The following CACNA1E variants were observed in gnomAD, a reference collection of about 807,000 sequenced individuals.
The protein encoded by CACNA1E is voltage-dependent R-type calcium channel subunit alpha-1E.
Under a neutral mutation model 259.2 loss-of-function variants are expected in CACNA1E, and 40 were observed. That is an observed-to-expected ratio of 0.15 (90% CI 0.12 to 0.20). The LOEUF (loss-of-function observed/expected upper bound fraction) is 0.20, where lower values mean the gene tolerates loss of function less well. CACNA1E is among the 10% of genes least tolerant of loss of function. The probability of loss-of-function intolerance (pLI) is 1.00; values close to 1 mark genes in which losing one functional copy is unlikely to be tolerated. For missense variants in CACNA1E, 1,874 were observed against 3,040.1 expected (o/e 0.62, Z 9.02); for synonymous variants, 1,104 against 1,138.5 (o/e 0.97, Z 0.61).
At chr1:181,334,344 A>C (rs559852904) in intron 1 of CACNA1E, among the ~76,000 whole-genome samples, 1 of 152,258 alleles carries the variant, frequency 6.6e-6, no homozygotes, top group African/African-American at 2.4e-5. Context: ...TCACTTATCC[A>C]AGGTCCAGAT....
chr1:181,622,361 G>A (rs1572403828), intron 6 of CACNA1E, among the ~76,000 whole-genome samples: 1 of 152,140 alleles, frequency 6.6e-6, no homozygotes, highest in Non-Finnish European at 1.5e-5. Context: ...TAGTTGGTGG[G>A]TATATTTGCT....
At chr1:181,413,240 G>A in exon 2 of CACNA1E, 1 of 152,856 alleles carries the variant, frequency 6.5e-6, no homozygotes, top group Non-Finnish European at 1.5e-5. Flanking sequence ...CAGGTCCGCG[G>A]GCCGCCGCCA....
chr1:181,557,921 A>G (rs141358039), intron 3 of CACNA1E, among the ~76,000 whole-genome samples: 122 of 152,368 alleles, frequency 8.0e-4, no homozygotes, highest in African/African-American at 2.8e-3. Flanking sequence ...CCATTTTTAA[A>G]TTCAGCTCTG....
In CACNA1E at chr1:181,806,397, C is replaced by G. The variant is rs1261960839; in HGVS notation, c.*7563C>G. On this transcript the variant is annotated 3_prime_UTR_variant, in exon 48 of 48. Coordinates refer to ENST00000367573, the MANE Select transcript of CACNA1E (RefSeq NM_001205293.3). ...GTCAGGCCATTCCCTCTTTGTTTTGCTCCTAGAGGATGAGCATGTAAGATG... is the reference window on the plus strand; with the variant it reads ...GTCAGGCCATTCCCTCTTTGTTTTGGTCCTAGAGGATGAGCATGTAAGATG... 6.6e-6 allele frequency: 1 copy of G among 152,272 alleles called. No individual in the cohort carries two copies. Among genetic ancestry groups the G allele is most frequent in the Non-Finnish European group, 1.5e-5 (1 of 68,084 alleles). The allele number at this position is 152,272 out of a possible 1,614,324, so 9.4% of individuals were successfully genotyped here.
chr1:181,683,082 A>G (rs79925695), intron 7 of CACNA1E, among the ~76,000 whole-genome samples: 1,718 of 152,220 alleles, frequency 0.011, 30 homozygotes, highest in African/African-American at 0.039. Context: ...TCCATGTCCC[A>G]TTTATGGCAT....
Position 181,776,311 on chromosome 1 carries a change from A to G in CACNA1E, c.5267+83A>G, listed in dbSNP as rs1171643225. The G allele has an allele frequency of 7.2e-7, 1 of 1,379,958 alleles. No homozygotes were observed. The highest frequency in any genetic ancestry group is 1.0e-6 in the Non-Finnish European group (1 of 970,312). 85.5% of individuals were successfully genotyped at this position (1,379,958 alleles called of 1,614,324 possible). A position where few individuals can be genotyped will look rare whatever the true frequency, so the allele number is the denominator to read the frequency against. On this transcript the variant is annotated intron_variant, in intron 38 of 47. Transcript: ENST00000367573. The surrounding 1 kb of genome is among the most constrained non-coding windows in gnomAD (Gnocchi z 4.4). ...CAGGGAAGAGGCTGGAATTGGAGCC[A>G]CCCAAATGCCTGCCTGTTACAGAAG...
intron 3 of CACNA1E, among the ~76,000 whole-genome samples, chr1:181,527,403 A>G (rs1407245913): frequency 6.6e-6 from 1 of 152,262 alleles, no homozygotes; most frequent in Non-Finnish European, 1.5e-5. Context: ...AGGTTTCAAC[A>G]TATGGATTTT....
At chr1:181,755,883 G>A (rs1457706502) in intron 28 of CACNA1E, 73 bp from the exon 29 acceptor site, 5 of 1,466,680 alleles carry the variant, frequency 3.4e-6, no homozygotes, top group Non-Finnish European at 3.7e-6. Flanking sequence ...ATTGCGGCCT[G>A]TAGAATGTGC....
chr1:181,559,319 G>A (rs979575100), intron 3 of CACNA1E, among the ~76,000 whole-genome samples: 3 of 152,202 alleles, frequency 2.0e-5, no homozygotes, highest in Admixed American at 6.5e-5. Flanking sequence ...CTGTTGGAGA[G>A]TGGAAATGCC....
intron 7 of CACNA1E, among the ~76,000 whole-genome samples, chr1:181,660,916 T>C (rs1248430470): frequency 6.6e-6 from 1 of 152,234 alleles, no homozygotes; most frequent in Non-Finnish European, 1.5e-5. Flanking sequence ...TGTGACTCAC[T>C]GCTAGGGGCT....
At chr1:181,693,431 A>G (rs1234141704) in intron 7 of CACNA1E, among the ~76,000 whole-genome samples, 2 of 152,204 alleles carry the variant, frequency 1.3e-5, no homozygotes, top group Admixed American at 6.5e-5. Flanking sequence ...TGGATTGGAT[A>G]AAGAAAATGT....
chr1:181,458,430 G>A (rs1279258609), intron 2 of CACNA1E, among the ~76,000 whole-genome samples: 1 of 152,214 alleles, frequency 6.6e-6, no homozygotes, highest in Non-Finnish European at 1.5e-5. Flanking sequence ...AGCCTGGCAA[G>A]GCATAGACTG....
At chr1:181,779,395 C>T (rs1293386263) in intron 38 of CACNA1E, 1 of 394,472 alleles carries the variant, frequency 2.5e-6, no homozygotes, top group East Asian at 7.6e-5. Context: ...CATTTCTTTT[C>T]TACCCTTCTC....
chr1:181,596,557 C>CGTGTGTGTGTGTGTGT lies in CACNA1E; in HGVS notation c.951+15806_951+15821dup, dbSNP rs60302499. Among the ~76,000 whole-genome samples the CGTGTGTGTGTGTGTGT allele has an allele frequency of 3.5e-3, 491 of 140,578 alleles. 7 individuals carry two copies. The highest frequency in any genetic ancestry group is 7.8e-3 in the East Asian group (34 of 4,362). 92.2% of individuals were successfully genotyped at this position (140,578 alleles called of 152,430 possible). ...AGAGTAGTCTTCCACCCACCATGTA[C>CGTGTGTGTGTGTGTGT]GTGTGTGTGTGTGTGTGTGTGTGTG... On this transcript the variant is annotated intron_variant, in intron 6 of 47. Coordinates refer to ENST00000367573, the MANE Select transcript of CACNA1E (RefSeq NM_001205293.3).
intron 7 of CACNA1E, among the ~76,000 whole-genome samples, chr1:181,682,921 T>A (rs1345634164): frequency 6.6e-6 from 1 of 152,182 alleles, no homozygotes; most frequent in Non-Finnish European, 1.5e-5. Context: ...GATTACAGCT[T>A]GACATGAGAT....
chr1:181,772,950 A>C (rs1395110440), intron 37 of CACNA1E, among the ~76,000 whole-genome samples: 1 of 152,164 alleles, frequency 6.6e-6, no homozygotes, highest in Non-Finnish European at 1.5e-5. Context: ...AGAAACTTCT[A>C]CCCTGCATAT....
intron 1 of CACNA1E, among the ~76,000 whole-genome samples, chr1:181,501,514 T>C (rs1665246808): frequency 6.6e-6 from 1 of 152,242 alleles, no homozygotes; most frequent in Non-Finnish European, 1.5e-5. Context: ...ATTAAATGGG[T>C]AATGCTTAGG....
chr1:181,571,761 C>T (rs1010352305), intron 3 of CACNA1E, among the ~76,000 whole-genome samples: 8 of 152,072 alleles, frequency 5.3e-5, no homozygotes, highest in African/African-American at 1.4e-4. Context: ...TTGTTGGTAT[C>T]GATATGGGTA....
At chr1:181,570,588 C>G (rs142166712) in intron 3 of CACNA1E, among the ~76,000 whole-genome samples, 9 of 152,346 alleles carry the variant, frequency 5.9e-5, no homozygotes, top group Non-Finnish European at 1.2e-4. Context: ...CTTCCCATCT[C>G]TCCTCCCCAG....
Sources: allele counts gnomAD v4.1 joint callset (sites outside exome capture counted in the v4.1 genomes callset), GRCh38; gene constraint gnomAD v4.1.1; non-coding constraint Gnocchi (gnomAD v3.1); transcripts MANE v1.5; gene names NCBI Gene and HGNC (gene_info 2026-07-23, HGNC 2026-07-21).